Variants in C13orf42 observed in about 807,000 individuals in gnomAD.
C13orf42 encodes uncharacterized protein C13orf42.
intron 1 of C13orf42, among the ~76,000 whole-genome samples, chr13:51,136,109 C>T (rs1953655731): frequency 6.6e-6 from 1 of 152,136 alleles, no homozygotes; most frequent in Non-Finnish European, 1.5e-5. Flanking sequence ...TGGTCTCCCC[C>T]AGGCCTCCCA....
chr13:51,096,869 TAACA>T (rs1217252465), intron 1 of C13orf42, among the ~76,000 whole-genome samples: 4 of 152,254 alleles, frequency 2.6e-5, no homozygotes, highest in Non-Finnish European at 5.9e-5. Context: ...ACCAAAACTA[TAACA>T]AACATTCAAG....
At chr13:51,167,203 G>A (rs970611379) in intron 1 of C13orf42, among the ~76,000 whole-genome samples, 1 of 152,144 alleles carries the variant, frequency 6.6e-6, no homozygotes, top group African/African-American at 2.4e-5. Flanking sequence ...TCAGTAGTTT[G>A]CTGCATTTGA....
At chr13:51,152,273 C>T (rs1161646965) in intron 1 of C13orf42, among the ~76,000 whole-genome samples, 3 of 152,248 alleles carry the variant, frequency 2.0e-5, no homozygotes, top group African/African-American at 7.2e-5. Flanking sequence ...CACCATCAGG[C>T]TGTACGTCTC....
chr13:51,152,032 A>C (rs1004058878), intron 1 of C13orf42, among the ~76,000 whole-genome samples: 1 of 152,188 alleles, frequency 6.6e-6, no homozygotes, highest in Non-Finnish European at 1.5e-5. Flanking sequence ...TTCTAACAAG[A>C]TCCCAGGGGA....
chr13:51,160,858 A>C (rs1273932643), intron 1 of C13orf42, among the ~76,000 whole-genome samples: 1 of 152,026 alleles, frequency 6.6e-6, no homozygotes, highest in Non-Finnish European at 1.5e-5. Flanking sequence ...TGAAATAAAA[A>C]ACAGGGCAAG....
At chr13:51,102,857 C>T (rs1412982577) in intron 1 of C13orf42, among the ~76,000 whole-genome samples, 1 of 152,186 alleles carries the variant, frequency 6.6e-6, no homozygotes, top group Non-Finnish European at 1.5e-5. Context: ...AAGCAAGTAC[C>T]TTCTTCATAC....
intron 1 of C13orf42, among the ~76,000 whole-genome samples, chr13:51,091,503 C>G (rs1337928789): frequency 1.3e-5 from 2 of 152,128 alleles, no homozygotes; most frequent in African/African-American, 4.8e-5. Context: ...GCCCCTTGAC[C>G]CAGTCTGAGA....
intron 1 of C13orf42, among the ~76,000 whole-genome samples, chr13:51,146,130 CTAAA>C (rs1953733130): frequency 6.6e-6 from 1 of 151,840 alleles, no homozygotes; most frequent in African/African-American, 2.4e-5. Context: ...ATGTTCTTAC[CTAAA>C]TAAAACTTTA....
rs185742599 is a variant in C13orf42, at chr13:51,130,656, C to T, written n.137-17434G>A. On this transcript the variant is annotated intron_variant and non_coding_transcript_variant, in intron 1 of 4. Transcript: ENST00000433280. ...GCCTGGGACACATGGAGTTAGACAA[C>T]GGAAAGAATCAGACCTTATCTGCAC... Among the ~76,000 whole-genome samples, 144 of 151,404 alleles carry T rather than the reference C, an allele frequency of 9.5e-4. 3 individuals carry two copies. The highest frequency in any genetic ancestry group is 8.8e-4 in the Non-Finnish European group (60 of 67,854).
chr13:51,093,182 T>C (rs1953198872), intron 1 of C13orf42, among the ~76,000 whole-genome samples: 1 of 152,238 alleles, frequency 6.6e-6, no homozygotes, highest in South Asian at 2.1e-4. Flanking sequence ...CCTGTTTAAG[T>C]CTCTTTAATG....
chr13:51,171,739 GCTC>G (rs1953954961), intron 1 of C13orf42, among the ~76,000 whole-genome samples: 1 of 152,120 alleles, frequency 6.6e-6, no homozygotes, highest in Non-Finnish European at 1.5e-5. Context: ...CAAGGTTAAT[GCTC>G]CTTTTTCTTT....
intron 1 of C13orf42, among the ~76,000 whole-genome samples, chr13:51,152,676 T>C (rs1953788728): frequency 6.6e-6 from 1 of 152,176 alleles, no homozygotes; most frequent in African/African-American, 2.4e-5. Flanking sequence ...TTTCTCCTGC[T>C]TGATGACCTC....
chr13:51,114,627 GATAGATAGATAGATAGAT>G (rs1953467695), upstream of C13orf42, among the ~76,000 whole-genome samples: 5 of 96,764 alleles, frequency 5.2e-5, no homozygotes, highest in Middle Eastern at 0.01. Context: ...TAGATAGATA[GATAGATAGATAGATAGAT>G]AGAGATAGAC....
intron 1 of C13orf42, among the ~76,000 whole-genome samples, chr13:51,101,531 T>C (rs57060223): frequency 0.019 from 2,961 of 152,242 alleles, 100 homozygotes; most frequent in African/African-American, 0.067. Flanking sequence ...AGAAAAGGCA[T>C]CAAAACCACA....
intron 1 of C13orf42, among the ~76,000 whole-genome samples, chr13:51,133,034 G>A (rs1321912736): frequency 1.3e-5 from 2 of 152,166 alleles, no homozygotes; most frequent in African/African-American, 2.4e-5. Context: ...GGGGAGGCAT[G>A]AATAATCCAC....
At chr13:51,117,628 C>A (rs1190910333) in intron 1 of C13orf42, among the ~76,000 whole-genome samples, 2 of 150,216 alleles carry the variant, frequency 1.3e-5, no homozygotes, top group South Asian at 4.5e-4. Context: ...AAAATATCTG[C>A]GGTCCAGTAT....
At chr13:51,156,170 A>G (rs1368419979) in intron 1 of C13orf42, among the ~76,000 whole-genome samples, 2 of 152,286 alleles carry the variant, frequency 1.3e-5, no homozygotes, top group East Asian at 3.9e-4. Context: ...CCACGTGCCT[A>G]GGATTCGGGG....
In C13orf42 at chr13:51,110,844, G is replaced by A; in HGVS notation, c.366C>T (p.Ser122=). ...QGISSTSSKS[S]KGGKKTPVRS... ...GGACAGGAGTCTTTTTCCCTCCCTT[G>A]GAGGATTTGGAGGAGGTTGAGGAAA... The change falls in exon 1 of 4, where the codon TCC becomes TCT. Residue 122 remains serine (S), a synonymous_variant. Transcript: ENST00000563710. 2.5e-6 allele frequency: 1 copy of A among 398,634 alleles called. No individual in the cohort carries two copies. Among genetic ancestry groups the A allele is most frequent in the African/African-American group, 2.1e-5 (1 of 48,752 alleles). The allele number at this position is 398,634 out of a possible 1,614,324, so 24.7% of individuals were successfully genotyped here.
intron 1 of C13orf42, among the ~76,000 whole-genome samples, chr13:51,145,940 G>A (rs569547085): frequency 4.5e-4 from 69 of 152,292 alleles, no homozygotes; most frequent in African/African-American, 1.4e-3. Context: ...GCTGTGTCAC[G>A]AGCAAGTTCT....
Sources: allele counts gnomAD v4.1 joint callset (sites outside exome capture counted in the v4.1 genomes callset), GRCh38; gene constraint gnomAD v4.1.1; transcripts MANE v1.5; gene names NCBI Gene and HGNC (gene_info 2026-07-23, HGNC 2026-07-21).